Variants in DGKG observed in about 807,000 individuals in gnomAD.
DGKG encodes the protein DAG kinase gamma.
In DGKG, 78 loss-of-function variants were observed where a neutral mutation model predicts 105.3. The ratio of observed to expected loss-of-function variants is 0.74; its 90% CI spans 0.62 to 0.89. The LOEUF is 0.89. Among genes scored for constraint, DGKG ranks in the 40% least tolerant of loss-of-function variants. DGKG has a pLI of 0.00. For synonymous variants in DGKG, 346 were observed against 367.1 expected (o/e 0.94, Z 0.66); for missense variants, 958 against 1,020.1 (o/e 0.94, Z 0.83).
Position 186,284,862 on chromosome 3 carries a change from C to A in DGKG, c.545-153G>T, listed in dbSNP as rs1021218762. ...CCCTCCCTCTGAGCACAGAGTCTGA[C>A]TTCCTTACAGAGAGGCTGGGCCAAG... On this transcript the variant is annotated intron_variant, in intron 6 of 24. Transcript: ENST00000265022. This position sits in a 1 kb window ranked among gnomAD's most constrained non-coding sequence, Gnocchi z 4.0. 2.0e-5 allele frequency among the ~76,000 whole-genome samples: 3 copies of A among 152,224 alleles called. No individual in the cohort carries two copies. The highest frequency in any genetic ancestry group is 7.2e-5 in the African/African-American group (3 of 41,456).
At chr3:186,198,373 G>T (rs951122244) in intron 21 of DGKG, among the ~76,000 whole-genome samples, 2 of 152,176 alleles carry the variant, frequency 1.3e-5, no homozygotes, top group African/African-American at 4.8e-5. Flanking sequence ...GGCACATGGG[G>T]CATGTTTTAT....
rs149422275 is a variant in DGKG, at chr3:186,288,818, G to A, written c.436C>T (p.Pro146Ser). The A allele has an allele frequency of 2.1e-5, 34 of 1,611,252 alleles. No individual in the cohort carries two copies. The African/African-American group carries it at 4.0e-4, about 19-fold the overall frequency. The change falls in exon 6 of 25, where the codon CCC becomes TCC. Residue 146 changes from proline to serine, a missense_variant. Around this residue, in one of 2 missense-constraint regions of DGKG, gnomAD observed 643 missense variants for 619.5 expected, o/e 1.04. Transcript: ENST00000265022. ...GAGCTTGAAGACCGAGGGACGGGGG[G>A]TTCCAGGGGGGTCGCAGCCACTTGG... is the stretch of plus-strand genomic sequence containing the variant. ...EDQVAATPLE[P>S]PVPRSSSSES...
chr3:186,291,878 T>A (rs1002980765), intron 5 of DGKG, among the ~76,000 whole-genome samples: 3 of 152,206 alleles, frequency 2.0e-5, no homozygotes, highest in African/African-American at 7.2e-5. Flanking sequence ...ACTTAAAACA[T>A]GCAATTTTTT....
chr3:186,245,973 A>G (rs923779512), intron 19 of DGKG, among the ~76,000 whole-genome samples: 2 of 152,172 alleles, frequency 1.3e-5, no homozygotes, highest in Non-Finnish European at 2.9e-5. Flanking sequence ...ACAATTTTTA[A>G]ATTTTTTTAT....
chr3:186,157,933 C>T (rs1716116442), intron 24 of DGKG, among the ~76,000 whole-genome samples: 1 of 152,042 alleles, frequency 6.6e-6, no homozygotes, highest in South Asian at 2.1e-4. Context: ...AAACTCCTGA[C>T]CTCAAGTAAT....
intron 11 of DGKG, among the ~76,000 whole-genome samples, chr3:186,271,140 C>T (rs780206491): frequency 1.3e-5 from 2 of 152,206 alleles, no homozygotes; most frequent in Non-Finnish European, 2.9e-5. Context: ...TCCTGACTCA[C>T]ACTCCTCCAT....
Position 186,298,380 on chromosome 3 carries a change from G to A in DGKG, c.145-151C>T, listed in dbSNP as rs1195902077. ...GAGCTGATGGGGACAGGAATGAAAAGGCCAGGGAAGTGATAGACAATGAGA... is the reference window on the plus strand; with the variant it reads ...GAGCTGATGGGGACAGGAATGAAAAAGCCAGGGAAGTGATAGACAATGAGA... On this transcript the variant is annotated intron_variant, in intron 3 of 24. Coordinates refer to ENST00000265022, the MANE Select transcript of DGKG (RefSeq NM_001346.3). 4 of 700,120 alleles carry A rather than the reference G, an allele frequency of 5.7e-6. No individual in the cohort carries two copies. The South Asian group carries it at 6.2e-5, about 11-fold the overall frequency. The allele number at this position is 700,120 out of a possible 1,614,324, so 43.4% of individuals were successfully genotyped here. A position where few individuals can be genotyped will look rare whatever the true frequency, so the allele number is the denominator to read the frequency against.
At position 186,253,195 on chromosome 3, in the gene DGKG, C is replaced by A. The variant is rs765335508; in HGVS notation, c.1511-13G>T. The A allele has an allele frequency of 5.0e-6, 8 of 1,604,120 alleles. No individual in the cohort carries two copies. In the South Asian group the frequency reaches 7.7e-5, roughly 15 times the overall value. On this transcript the variant is annotated splice_polypyrimidine_tract_variant and intron_variant, in intron 17 of 24. Transcript: ENST00000265022. ...AAGTTGGCCTTATCTGCAAGACACACAGAGGAACAGAGAACCATATGCCAT... is the reference window on the plus strand; with the variant it reads ...AAGTTGGCCTTATCTGCAAGACACAAAGAGGAACAGAGAACCATATGCCAT...
rs369882697 is a variant in DGKG at position 186,250,914 on chromosome 3, C to T, written c.1761+845G>A. On this transcript the variant is annotated intron_variant, in intron 19 of 24. Coordinates refer to ENST00000265022, the MANE Select transcript of DGKG (RefSeq NM_001346.3). ...TGTTGCACTCCCACCCCCTCCCAAC[C>T]CCCAGCTTCATTTATAGAAATGATT... Among the ~76,000 whole-genome samples, 72 of 152,122 alleles carry T rather than the reference C, an allele frequency of 4.7e-4. 1 individual carries two copies. Among genetic ancestry groups the T allele is most frequent in the African/African-American group, 1.4e-3 (57 of 41,502 alleles).
Position 186,324,242 on chromosome 3 carries a change from G to T in DGKG, c.-248-3535C>A, listed in dbSNP as rs966868027. Reference sequence around the variant, plus strand: ...CACTGAACTAAAACCAGAAGGCAGAGAATTTGAATCTGGGCTCTGCCCTTC... The same window carrying T: ...CACTGAACTAAAACCAGAAGGCAGATAATTTGAATCTGGGCTCTGCCCTTC... On this transcript the variant is annotated intron_variant, in intron 1 of 24. Transcript: ENST00000265022. Among the ~76,000 whole-genome samples, 104 of 152,116 alleles carry T rather than the reference G, an allele frequency of 6.8e-4. 1 individual carries two copies. Among genetic ancestry groups the T allele is most frequent in the Admixed American group, 6.6e-3 (101 of 15,272 alleles).
At chr3:186,239,635 A>G (rs16860585) in intron 20 of DGKG, among the ~76,000 whole-genome samples, 5,933 of 152,280 alleles carry the variant, frequency 0.039, 128 homozygotes, top group African/African-American at 0.045. Flanking sequence ...TCTTCATAGG[A>G]AGCGTTCGGT....
At chr3:186,239,823 G>A (rs960544010) in intron 20 of DGKG, among the ~76,000 whole-genome samples, 2 of 152,014 alleles carry the variant, frequency 1.3e-5, no homozygotes, top group African/African-American at 2.4e-5. Flanking sequence ...ATAGGATCTC[G>A]GAAGGGAGAA....
intron 6 of DGKG, among the ~76,000 whole-genome samples, chr3:186,287,864 G>T (rs797015790): frequency 4.6e-5 from 7 of 152,290 alleles, no homozygotes; most frequent in African/African-American, 1.7e-4. Context: ...TTATTAACTG[G>T]AATTTTGACT....
chr3:186,358,479 A>G (rs370209832), intron 1 of DGKG, among the ~76,000 whole-genome samples: 2 of 123,420 alleles, frequency 1.6e-5, no homozygotes, highest in Non-Finnish European at 3.5e-5. Context: ...ACTCATAGCT[A>G]GGGCCAGTTT....
chr3:186,324,607 A>G (rs1276120850), intron 1 of DGKG, among the ~76,000 whole-genome samples: 5 of 152,200 alleles, frequency 3.3e-5, no homozygotes, highest in Admixed American at 3.3e-4. Context: ...CAAGTGGCCA[A>G]CAAACATGAA....
intron 1 of DGKG, among the ~76,000 whole-genome samples, chr3:186,353,003 C>T (rs1300160621): frequency 6.6e-6 from 1 of 152,220 alleles, no homozygotes; most frequent in Admixed American, 6.5e-5. Context: ...CCATAACTTT[C>T]TGACTCACAG....
intron 1 of DGKG, among the ~76,000 whole-genome samples, chr3:186,356,631 A>T (rs1167440563): frequency 1.3e-5 from 2 of 152,134 alleles, no homozygotes; most frequent in Non-Finnish European, 2.9e-5. Flanking sequence ...ACTCCCTTGA[A>T]ATTTTGCACT....
At chr3:186,263,573 A>ACAAGCAAG (rs60417496) in intron 14 of DGKG, among the ~76,000 whole-genome samples, 11 of 151,264 alleles carry the variant, frequency 7.3e-5, no homozygotes, top group African/African-American at 1.9e-4. Flanking sequence ...ATCTCAAAAA[A>ACAAGCAAG]CAAGCAAGCA....
chr3:186,171,308 G>A (rs968377789), intron 22 of DGKG, among the ~76,000 whole-genome samples: 1 of 152,142 alleles, frequency 6.6e-6, no homozygotes, highest in Admixed American at 6.6e-5. Context: ...AGATGCTTTA[G>A]AGCCAAAGAC....
Sources: allele counts gnomAD v4.1 joint callset (sites outside exome capture counted in the v4.1 genomes callset), GRCh38; gene constraint gnomAD v4.1.1; regional missense constraint gnomAD v4.1.1; non-coding constraint Gnocchi (gnomAD v3.1); transcripts MANE v1.5; gene names NCBI Gene and HGNC (gene_info 2026-07-23, HGNC 2026-07-21).